STK33: variants seen among roughly 807,000 people sequenced by gnomAD.
STK33 encodes the protein serine/threonine kinase 33.
In STK33, 52 loss-of-function variants were observed where a neutral mutation model predicts 58.0. The observed-to-expected ratio is 0.90, with a 90% CI of 0.72 to 1.13. The LOEUF (loss-of-function observed/expected upper bound fraction) is 1.13. STK33 is among the 50% of genes most tolerant of loss of function. The pLI is 0.00. For missense variants in STK33, 630 were observed against 604.2 expected (o/e 1.04, Z -0.45); for synonymous variants, 215 against 200.1 (o/e 1.07, Z -0.63).
intron 15 of STK33, among the ~76,000 whole-genome samples, chr11:8,399,378 A>G (rs948220077): frequency 2.6e-5 from 4 of 152,328 alleles, no homozygotes; most frequent in Non-Finnish European, 5.9e-5. Context: ...CTGGGTACAT[A>G]ACGAAATGAA....
chr11:8,473,649 T>C (rs1186414168), intron 5 of STK33, among the ~76,000 whole-genome samples: 5 of 152,178 alleles, frequency 3.3e-5, no homozygotes, highest in Non-Finnish European at 7.3e-5. Flanking sequence ...AGTAAATTAT[T>C]GGCCACTCAA....
intron 6 of STK33, among the ~76,000 whole-genome samples, chr11:8,470,415 T>A (rs777276945): frequency 6.6e-6 from 1 of 152,238 alleles, no homozygotes; most frequent in Non-Finnish European, 1.5e-5. Context: ...AGGAATCTTG[T>A]GCTTGGTTTG....
chr11:8,348,538 A>G, the STK33 span, among the ~76,000 whole-genome samples: 1 of 152,184 alleles, frequency 6.6e-6, no homozygotes, highest in Non-Finnish European at 1.5e-5. Flanking sequence ...CTCCCATGAT[A>G]CGTGGGGATT....
intron 1 of STK33, among the ~76,000 whole-genome samples, chr11:8,553,438 C>T (rs1445531382): frequency 1.3e-5 from 2 of 151,606 alleles, no homozygotes; most frequent in East Asian, 3.9e-4. Context: ...TGTTACAACA[C>T]CTACAATGTT....
intron 1 of STK33, among the ~76,000 whole-genome samples, chr11:8,591,295 T>C (rs1304209113): frequency 6.6e-6 from 1 of 152,212 alleles, no homozygotes; most frequent in East Asian, 1.9e-4. Flanking sequence ...CTCAGCTTTC[T>C]TGTACTTATT....
At chr11:8,575,416 C>T (rs758877846) in intron 1 of STK33, among the ~76,000 whole-genome samples, 1 of 152,140 alleles carries the variant, frequency 6.6e-6, no homozygotes, top group Non-Finnish European at 1.5e-5. Flanking sequence ...GGACTATTAT[C>T]CAGCCACAAA....
rs1482710058 is a variant in STK33, at chr11:8,457,321, C to T, written c.697+20G>A. 1 of 1,511,918 alleles carries T rather than the reference C, an allele frequency of 6.6e-7. No individual in the cohort carries two copies. Among genetic ancestry groups the T allele is most frequent in the Non-Finnish European group, 9.0e-7 (1 of 1,113,250 alleles). 93.7% of individuals were successfully genotyped at this position (1,511,918 alleles called of 1,614,324 possible). ...CATTAGTATTCATGGGGTCAATGAGCTGGATAACCCTCTTCTTACCATTAT... is the reference window on the plus strand; with the variant it reads ...CATTAGTATTCATGGGGTCAATGAGTTGGATAACCCTCTTCTTACCATTAT... On this transcript the variant is annotated intron_variant, in intron 9 of 15. Coordinates refer to ENST00000687296, the MANE Select transcript of STK33 (RefSeq NM_001352389.2).
chr11:8,405,815 AC>A (rs1253764767), intron 15 of STK33, among the ~76,000 whole-genome samples: 13 of 152,206 alleles, frequency 8.5e-5, no homozygotes, highest in Non-Finnish European at 1.5e-5. Context: ...ACTATCATTT[AC>A]CCCTTCGAAT....
At chr11:8,365,138 G>A in the STK33 span, among the ~76,000 whole-genome samples, 1 of 152,210 alleles carries the variant, frequency 6.6e-6, no homozygotes, top group Non-Finnish European at 1.5e-5. Context: ...ACGTGTCTGA[G>A]GTCACACAGA....
In STK33 at chr11:8,457,594, G is replaced by C. The variant is rs960563393; in HGVS notation, c.559-115C>G. 4.3e-6 allele frequency: 4 copies of C among 939,672 alleles called. No individual in the cohort carries two copies. In the African/African-American group the frequency reaches 6.6e-5, roughly 15 times the overall value. 58.2% of individuals were successfully genotyped at this position (939,672 alleles called of 1,614,324 possible). The stretch of plus-strand genomic sequence containing the variant: ...TAATCATTAATTTATTCATTCAAAA[G>C]TATTATCTATTATGTACAAGATACC... On this transcript the variant is annotated intron_variant, in intron 8 of 15. Coordinates refer to ENST00000687296, the MANE Select transcript of STK33 (RefSeq NM_001352389.2).
At position 8,457,391 on chromosome 11, in the gene STK33, C is replaced by T. The variant is rs1946992790; in HGVS notation, c.647G>A (p.Arg216Lys). Reference sequence around the variant, plus strand: ...TGATGCGAGACTTTGAATGATCCACCTTGTCTCATTCTCTGAGAAATGCCC... The same window carrying T: ...TGATGCGAGACTTTGAATGATCCACTTTGTCTCATTCTCTGAGAAATGCCC... ...RKGHFSENET[R>K]WIIQSLASAI... Residue 216 changes from arginine to lysine, a missense_variant, in exon 9 of 16, where the codon AGG (arginine) becomes AAG (lysine). Arg to Lys is a conservative substitution (Grantham distance 26). Coordinates refer to ENST00000687296, the MANE Select transcript of STK33 (RefSeq NM_001352389.2). 6.2e-7 allele frequency: 1 copy of T among 1,607,616 alleles called. No homozygotes were observed. Among genetic ancestry groups the T allele is most frequent in the South Asian group, 1.1e-5 (1 of 90,156 alleles).
At chr11:8,557,371 A>G (rs1956837766) in intron 1 of STK33, among the ~76,000 whole-genome samples, 1 of 149,776 alleles carries the variant, frequency 6.7e-6, no homozygotes, top group African/African-American at 2.5e-5. Context: ...GAAGGAAGGA[A>G]GGAAGGAAGG....
At chr11:8,402,653 T>G (rs1244401400) in intron 15 of STK33, among the ~76,000 whole-genome samples, 2 of 152,166 alleles carry the variant, frequency 1.3e-5, no homozygotes. Context: ...TCAAATATCT[T>G]TCATTGAAAC....
the STK33 span, among the ~76,000 whole-genome samples, chr11:8,339,609 G>A: frequency 7.2e-5 from 11 of 152,226 alleles, no homozygotes; most frequent in African/African-American, 2.2e-4. Flanking sequence ...AGAGGCGCCC[G>A]GCTGGTGACC....
intron 6 of STK33, chr11:8,465,573 G>A (rs1308560795): frequency 6.6e-6 from 1 of 152,132 alleles, no homozygotes; most frequent in East Asian, 1.9e-4. Context: ...GGTTTTGGGG[G>A]AGTCAGTCTC....
At chr11:8,429,454 A>G (rs1474049837) in intron 14 of STK33, among the ~76,000 whole-genome samples, 1 of 152,166 alleles carries the variant, frequency 6.6e-6, no homozygotes, top group Non-Finnish European at 1.5e-5. Flanking sequence ...TCACCTAAGA[A>G]GCAGTTTTGA....
chr11:8,447,764 A>G (rs1014963387), intron 11 of STK33, among the ~76,000 whole-genome samples: 5 of 152,184 alleles, frequency 3.3e-5, no homozygotes, highest in African/African-American at 1.2e-4. Context: ...CCTATTCAAC[A>G]TAGTGTTGGA....
chr11:8,577,919 A>C (rs1216213293), intron 1 of STK33, among the ~76,000 whole-genome samples: 2 of 152,078 alleles, frequency 1.3e-5, no homozygotes, highest in African/African-American at 2.4e-5. Context: ...CATAACCCTA[A>C]TAAAGGTCAA....
intron 1 of STK33, among the ~76,000 whole-genome samples, chr11:8,590,269 T>C (rs1359196565): frequency 6.6e-6 from 1 of 152,188 alleles, no homozygotes; most frequent in Non-Finnish European, 1.5e-5. Context: ...ATGTTAAGAA[T>C]ACTGAATCAC....
Sources: allele counts gnomAD v4.1 joint callset (sites outside exome capture counted in the v4.1 genomes callset), GRCh38; gene constraint gnomAD v4.1.1; transcripts MANE v1.5; gene names NCBI Gene and HGNC (gene_info 2026-07-23, HGNC 2026-07-21).